Variants in FSTL5 observed in about 807,000 individuals in gnomAD.
The protein encoded by FSTL5 is follistatin-related protein 5.
Under a neutral mutation model 89.1 loss-of-function variants are expected in FSTL5, and 62 were observed. That is an observed-to-expected ratio of 0.70 (90% CI 0.57 to 0.86). The LOEUF (loss-of-function observed/expected upper bound fraction) is 0.86, where lower values mean the gene tolerates loss of function less well. Among genes scored for constraint, FSTL5 ranks in the 40% least tolerant of loss-of-function variants. FSTL5 has a pLI of 0.00. For synonymous variants in FSTL5, 383 were observed against 346.2 expected (o/e 1.11, Z -1.18); for missense variants, 1,057 against 1,001.6 (o/e 1.06, Z -0.75).
intron 15 of FSTL5, among the ~76,000 whole-genome samples, chr4:161,398,894 T>C (rs113523451): frequency 2.0e-5 from 3 of 152,162 alleles, no homozygotes; most frequent in African/African-American, 4.8e-5. Context: ...CATTATTATG[T>C]TGTAGGAAAC....
At chr4:161,549,630 T>C (rs1463364674) in intron 8 of FSTL5, among the ~76,000 whole-genome samples, 1 of 151,874 alleles carries the variant, frequency 6.6e-6, no homozygotes, top group Non-Finnish European at 1.5e-5. Context: ...ACTTGGTAAA[T>C]AAAGAAGAGG....
chr4:162,056,555 C>T (rs927783701), intron 2 of FSTL5, among the ~76,000 whole-genome samples: 3 of 152,060 alleles, frequency 2.0e-5, no homozygotes, highest in Non-Finnish European at 4.4e-5. Context: ...AGAGGAAATA[C>T]ATGAATTAAA....
At chr4:161,628,948 CTT>C (rs1202738436) in intron 7 of FSTL5, among the ~76,000 whole-genome samples, 2 of 152,166 alleles carry the variant, frequency 1.3e-5, no homozygotes, top group Non-Finnish European at 2.9e-5. Context: ...TTTCTATACA[CTT>C]ATAATTTTGG....
chr4:161,738,390 A>G (rs1739893248), intron 6 of FSTL5, among the ~76,000 whole-genome samples: 1 of 152,104 alleles, frequency 6.6e-6, no homozygotes. Flanking sequence ...ATCTCATCCT[A>G]TAATTAGTGA....
At chr4:161,869,920 C>T (rs1344877203) in intron 4 of FSTL5, among the ~76,000 whole-genome samples, 1 of 152,160 alleles carries the variant, frequency 6.6e-6, no homozygotes, top group Non-Finnish European at 1.5e-5. Flanking sequence ...CTTCTCCCAC[C>T]TTCAATCTCT....
chr4:162,122,873 C>T (rs1731926429), intron 1 of FSTL5, among the ~76,000 whole-genome samples: 1 of 152,042 alleles, frequency 6.6e-6, no homozygotes, highest in African/African-American at 2.4e-5. Context: ...GTTTGAAAAT[C>T]ATAATACATT....
At chr4:161,630,906 TC>T (rs1463158013) in intron 7 of FSTL5, among the ~76,000 whole-genome samples, 2 of 152,344 alleles carry the variant, frequency 1.3e-5, no homozygotes, top group East Asian at 3.9e-4. Flanking sequence ...ACAAATTCTT[TC>T]TTATAACTTT....
intron 4 of FSTL5, among the ~76,000 whole-genome samples, chr4:161,909,480 C>G (rs1300312908): frequency 3.3e-5 from 5 of 152,106 alleles, no homozygotes; most frequent in Admixed American, 2.0e-4. Flanking sequence ...CAGTATCATA[C>G]TCCCTCAGCA....
intron 4 of FSTL5, among the ~76,000 whole-genome samples, chr4:161,890,598 G>A (rs1732954417): frequency 6.8e-6 from 1 of 147,854 alleles, no homozygotes; most frequent in Non-Finnish European, 1.5e-5. Context: ...TGAGGCAGGA[G>A]AATCGCTTGA....
intron 3 of FSTL5, among the ~76,000 whole-genome samples, chr4:162,021,890 A>T (rs1398758667): frequency 6.6e-6 from 1 of 152,076 alleles, no homozygotes; most frequent in Non-Finnish European, 1.5e-5. Context: ...CATAAGTTCA[A>T]GACCAGCCTG....
At chr4:161,782,681 T>C (rs995976918) in intron 4 of FSTL5, among the ~76,000 whole-genome samples, 6 of 152,266 alleles carry the variant, frequency 3.9e-5, no homozygotes, top group Middle Eastern at 3.4e-3. Context: ...TTACTGGAAA[T>C]AAAAGGGAAG....
chr4:162,020,953 C>T (rs1003256162), intron 3 of FSTL5, among the ~76,000 whole-genome samples: 5 of 151,932 alleles, frequency 3.3e-5, no homozygotes, highest in Non-Finnish European at 5.9e-5. Flanking sequence ...TTTTAAATTG[C>T]TATAAAAGTG....
chr4:162,068,589 A>T (rs1234152307), intron 2 of FSTL5, among the ~76,000 whole-genome samples: 3 of 152,026 alleles, frequency 2.0e-5, no homozygotes, highest in Admixed American at 6.6e-5. Flanking sequence ...ATCAAAAACT[A>T]TAAAAACCCA....
chr4:161,687,013 C>A (rs982508883), intron 6 of FSTL5, among the ~76,000 whole-genome samples: 1 of 152,006 alleles, frequency 6.6e-6, no homozygotes, highest in Admixed American at 6.6e-5. Flanking sequence ...AAAACACACC[C>A]CACACACAAA....
At chr4:161,575,212 T>A (rs1320106984) in intron 8 of FSTL5, among the ~76,000 whole-genome samples, 3 of 152,182 alleles carry the variant, frequency 2.0e-5, no homozygotes, top group Non-Finnish European at 4.4e-5. Context: ...TCTTGTAAAT[T>A]TGTTTAAATT....
chr4:161,494,601 C>A (rs932770374), intron 12 of FSTL5, among the ~76,000 whole-genome samples: 7 of 152,112 alleles, frequency 4.6e-5, no homozygotes, highest in African/African-American at 1.4e-4. Context: ...AGCAAGAATT[C>A]TTTTCTAACA....
chr4:161,429,525 T>G lies in FSTL5; in HGVS notation c.1841+25479A>C, dbSNP rs367774035. On this transcript the variant is annotated intron_variant, in intron 15 of 15. Coordinates refer to ENST00000306100, the MANE Select transcript of FSTL5 (RefSeq NM_020116.5). ...CATTGAGTTCAGCACAGAAAGACTT[T>G]GTTTGGAAGAATGTAAGGAAGAAAG... Among the ~76,000 whole-genome samples the G allele has an allele frequency of 2.1e-4, 32 of 152,302 alleles. 1 individual carries two copies. In the East Asian group the frequency reaches 2.7e-3, roughly 13 times the overall value.
intron 6 of FSTL5, among the ~76,000 whole-genome samples, chr4:161,690,261 T>G (rs960406906): frequency 6.6e-6 from 1 of 152,184 alleles, no homozygotes; most frequent in African/African-American, 2.4e-5. Context: ...CCTCCTTGTC[T>G]ATACCTGTTA....
At chr4:161,763,366 G>T (rs1362526656) in intron 5 of FSTL5, among the ~76,000 whole-genome samples, 1 of 152,192 alleles carries the variant, frequency 6.6e-6, no homozygotes, top group Non-Finnish European at 1.5e-5. Context: ...GCCAGAAGTG[G>T]ATGTAAAGGT....
Sources: allele counts gnomAD v4.1 joint callset (sites outside exome capture counted in the v4.1 genomes callset), GRCh38; gene constraint gnomAD v4.1.1; transcripts MANE v1.5; gene names NCBI Gene and HGNC (gene_info 2026-07-23, HGNC 2026-07-21).